The following THSD7A variants were observed in gnomAD, a reference collection of about 807,000 sequenced individuals.
THSD7A encodes the protein thrombospondin type-1 domain-containing protein 7A.
A neutral mutation model predicts 231.3 loss-of-function variants in THSD7A; 96 were observed. That is an observed-to-expected ratio of 0.41 (90% confidence interval 0.35 to 0.49). The LOEUF (loss-of-function observed/expected upper bound fraction) is 0.49, where lower values mean the gene tolerates loss of function less well. Ranked by LOEUF, THSD7A falls within the 20% of genes least tolerant of loss-of-function variation. The pLI, the probability that THSD7A is intolerant of heterozygous loss-of-function variation, is 0.05. For missense variants in THSD7A, 2,290 were observed against 2,070.2 expected (o/e 1.11, Z -2.06); for synonymous variants, 940 against 743.3 (o/e 1.26, Z -4.30).
chr7:11,441,550 T>C (rs1191958004), intron 13 of THSD7A, among the ~76,000 whole-genome samples: 3 of 152,112 alleles, frequency 2.0e-5, no homozygotes, highest in Non-Finnish European at 4.4e-5. Flanking sequence ...GGTTAGGCTC[T>C]CAATACATTT....
At chr7:11,616,703 C>G (rs1031078218) in intron 2 of THSD7A, among the ~76,000 whole-genome samples, 14 of 152,106 alleles carry the variant, frequency 9.2e-5, no homozygotes, top group Non-Finnish European at 1.8e-4. Flanking sequence ...TCCCCAGTGT[C>G]TTCTTTTACC....
intron 1 of THSD7A, among the ~76,000 whole-genome samples, chr7:11,797,013 A>G (rs1784143920): frequency 6.6e-6 from 1 of 152,160 alleles, no homozygotes; most frequent in Admixed American, 6.6e-5. Context: ...AAAAATCCCT[A>G]AAAGCAGACA....
chr7:11,778,886 C>T (rs1280450722), intron 1 of THSD7A, among the ~76,000 whole-genome samples: 4 of 152,082 alleles, frequency 2.6e-5, no homozygotes, highest in East Asian at 3.9e-4. Context: ...ACTGTGCAGA[C>T]TCTAAATTAA....
At chr7:11,791,744 A>G (rs1238464398) in intron 1 of THSD7A, among the ~76,000 whole-genome samples, 1 of 151,954 alleles carries the variant, frequency 6.6e-6, no homozygotes, top group African/African-American at 2.4e-5. Flanking sequence ...AAAATAAAAA[A>G]TATTTCCTAC....
At chr7:11,596,327 A>T (rs1410824881) in intron 2 of THSD7A, among the ~76,000 whole-genome samples, 2 of 152,120 alleles carry the variant, frequency 1.3e-5, no homozygotes, top group Non-Finnish European at 2.9e-5. Context: ...CCAAAACATC[A>T]CTGTGGTCCT....
chr7:11,815,189 C>A (rs1784646537), intron 1 of THSD7A, among the ~76,000 whole-genome samples: 1 of 151,726 alleles, frequency 6.6e-6, no homozygotes, highest in Admixed American at 6.6e-5. Flanking sequence ...TCAATCAATG[C>A]CCCATAGTCC....
At chr7:11,531,213 T>C (rs1562690645) in intron 6 of THSD7A, among the ~76,000 whole-genome samples, 2 of 152,188 alleles carry the variant, frequency 1.3e-5, no homozygotes, top group Non-Finnish European at 2.9e-5. Context: ...CCTCCACTGT[T>C]GCAACCCTTA....
chr7:11,633,835 T>C (rs1781739898), intron 2 of THSD7A, among the ~76,000 whole-genome samples: 1 of 152,218 alleles, frequency 6.6e-6, no homozygotes, highest in South Asian at 2.1e-4. Flanking sequence ...TTCTTGGTTT[T>C]ATTTAGTTAA....
At chr7:11,640,464 C>G (rs1054526942) in intron 1 of THSD7A, among the ~76,000 whole-genome samples, 1 of 152,068 alleles carries the variant, frequency 6.6e-6, no homozygotes, top group African/African-American at 2.4e-5. Flanking sequence ...AGTGACATAA[C>G]TTAAAAATAC....
intron 1 of THSD7A, among the ~76,000 whole-genome samples, chr7:11,653,650 T>C (rs944594069): frequency 3.1e-4 from 47 of 151,896 alleles, no homozygotes; most frequent in African/African-American, 1.0e-3. Flanking sequence ...CATGTGTCAT[T>C]GCACCTAGCT....
At chr7:11,733,493 C>T (rs895878285) in intron 1 of THSD7A, among the ~76,000 whole-genome samples, 9 of 151,732 alleles carry the variant, frequency 5.9e-5, no homozygotes, top group Non-Finnish European at 7.4e-5. Flanking sequence ...TTTATCTGAT[C>T]CTTTATATCT....
intron 2 of THSD7A, among the ~76,000 whole-genome samples, chr7:11,606,417 G>T (rs555057210): frequency 3.9e-5 from 6 of 152,040 alleles, no homozygotes; most frequent in African/African-American, 1.4e-4. Context: ...CCTATGAATG[G>T]GACCCTCCTA....
chr7:11,668,074 C>T (rs2128376607), intron 1 of THSD7A, among the ~76,000 whole-genome samples: 1 of 152,162 alleles, frequency 6.6e-6, no homozygotes, highest in South Asian at 2.1e-4. Context: ...CCAGGAAGTA[C>T]CTGTCTTTTA....
intron 1 of THSD7A, among the ~76,000 whole-genome samples, chr7:11,712,381 A>G (rs1485890554): frequency 1.3e-5 from 2 of 151,002 alleles, no homozygotes; most frequent in Non-Finnish European, 3.0e-5. Context: ...GGAAAGGAAC[A>G]TGTAACTTTT....
At chr7:11,387,808 C>A (rs1782818233) in intron 23 of THSD7A, among the ~76,000 whole-genome samples, 3 of 152,026 alleles carry the variant, frequency 2.0e-5, no homozygotes, top group South Asian at 4.1e-4. Context: ...GGAATTCTTC[C>A]AGTTATTGCC....
chr7:11,408,637 A>G (rs945419670), intron 19 of THSD7A, among the ~76,000 whole-genome samples: 2 of 152,224 alleles, frequency 1.3e-5, no homozygotes, highest in African/African-American at 4.8e-5. Flanking sequence ...AGAGAAGTTT[A>G]TATTTTCTAA....
chr7:11,780,005 AC>A (rs1783572711), intron 1 of THSD7A, among the ~76,000 whole-genome samples: 1 of 152,210 alleles, frequency 6.6e-6, no homozygotes, highest in Non-Finnish European at 1.5e-5. Flanking sequence ...AGTGACTTAA[AC>A]AGCCAACACT....
In THSD7A at chr7:11,507,945, G is replaced by C. The variant is rs547411439; in HGVS notation, c.1823-25963C>G. Among the ~76,000 whole-genome samples, 6 of 152,304 alleles carry C rather than the reference G, an allele frequency of 3.9e-5. 1 individual carries two copies. The highest frequency in any genetic ancestry group is 1.4e-4 in the African/African-American group (6 of 41,564). On this transcript the variant is annotated intron_variant, in intron 6 of 27. Transcript: ENST00000423059. The stretch of plus-strand genomic sequence containing the variant: ...AGGAAAGAGGTTTAATTGACTCACA[G>C]TTCTGCATGGCAAGGGAGGCCTCAG...
chr7:11,717,325 T>C (rs946681530), intron 1 of THSD7A, among the ~76,000 whole-genome samples: 2 of 151,702 alleles, frequency 1.3e-5, no homozygotes, highest in Non-Finnish European at 3.0e-5. Context: ...TCTGTGCTTT[T>C]CCTTTTCTTG....
Sources: gnomAD v4.1 joint callset for allele counts (sites outside exome capture counted in the v4.1 genomes callset) on GRCh38, gnomAD v4.1.1 for gene constraint, MANE v1.5 for transcripts, NCBI Gene and HGNC (gene_info 2026-07-23, HGNC 2026-07-21) for gene names.